Variants in TBXAS1 observed in about 807,000 individuals in gnomAD.
The protein encoded by TBXAS1 is thromboxane A synthase 1, also known as thromboxane-A synthase.
In TBXAS1, 48 loss-of-function variants were observed where a neutral mutation model predicts 60.7. That is an observed-to-expected ratio of 0.79 (90% CI 0.63 to 1.01). The LOEUF (loss-of-function observed/expected upper bound fraction) is 1.01. Among genes scored for constraint, TBXAS1 ranks in the 50% least tolerant of loss-of-function variants. The pLI is 0.00. For missense variants in TBXAS1, 685 were observed against 686.3 expected (o/e 1.00, Z 0.02); for synonymous variants, 287 against 269.7 (o/e 1.06, Z -0.63).
chr7:139,797,371 T>G (rs988555292), intron 4 of TBXAS1: 6 of 152,216 alleles, frequency 3.9e-5, no homozygotes, highest in African/African-American at 1.4e-4. Context: ...GTGGCTCTGC[T>G]TGCATTGGTC....
rs1300463602 is a variant in TBXAS1 at position 139,985,948 on chromosome 7, A to G, written c.1135-21143A>G. Reference sequence around the variant, plus strand: ...GGTAGCACCCAGGAGCCTGTTCCCAACATGGCCCCATGGCAGGGCCTGGTC... The same window carrying G: ...GGTAGCACCCAGGAGCCTGTTCCCAGCATGGCCCCATGGCAGGGCCTGGTC... On this transcript the variant is annotated intron_variant, in intron 9 of 12. Coordinates refer to ENST00000448866, the MANE Select transcript of TBXAS1 (RefSeq NM_001061.7). 1.1e-4 allele frequency among the ~76,000 whole-genome samples: 17 copies of G among 152,254 alleles called. No individual in the cohort carries two copies. In the East Asian group the frequency reaches 2.7e-3, roughly 24 times the overall value.
At chr7:139,790,371 G>T (rs1435383472) in intron 4 of TBXAS1, among the ~76,000 whole-genome samples, 1 of 152,160 alleles carries the variant, frequency 6.6e-6, no homozygotes, top group Non-Finnish European at 1.5e-5. Flanking sequence ...TCCAAGTCTG[G>T]CTAATTTTTT....
At chr7:139,834,261 C>A (rs1798913325) in intron 1 of TBXAS1, among the ~76,000 whole-genome samples, 1 of 152,178 alleles carries the variant, frequency 6.6e-6, no homozygotes, top group Non-Finnish European at 1.5e-5. Flanking sequence ...ATTCTTCTAA[C>A]TGAATGACAA....
rs181897145 is a variant in TBXAS1, at chr7:139,842,637, A to G, written c.89+13158A>G. Among the ~76,000 whole-genome samples the G allele has an allele frequency of 3.4e-3, 513 of 152,356 alleles. 3 individuals carry two copies. Among genetic ancestry groups the G allele is most frequent in the African/African-American group, 0.012 (480 of 41,592 alleles). On this transcript the variant is annotated intron_variant, in intron 1 of 12. Transcript: ENST00000448866. ...AGCCACATCTTTCCTGGTTTACCAG[A>G]AATAGGTGCTGTTGCACAACTTCCT...
At chr7:139,899,432 G>A (rs1334298011) in intron 3 of TBXAS1, among the ~76,000 whole-genome samples, 2 of 152,114 alleles carry the variant, frequency 1.3e-5, no homozygotes, top group African/African-American at 4.8e-5. Flanking sequence ...CCCAGAAGGC[G>A]GCTGTGAACT....
intron 1 of TBXAS1, among the ~76,000 whole-genome samples, chr7:139,864,949 C>A (rs1429216328): frequency 6.6e-6 from 1 of 152,076 alleles, no homozygotes; most frequent in African/African-American, 2.4e-5. Flanking sequence ...AGGAGGTACT[C>A]TAGGAAGGAG....
intron 9 of TBXAS1, among the ~76,000 whole-genome samples, chr7:140,006,502 G>A (rs1005455355): frequency 1.3e-5 from 2 of 152,130 alleles, no homozygotes. Flanking sequence ...AACTCATATG[G>A]CCTCTGTGTT....
chr7:139,853,710 A>G (rs992481279), intron 1 of TBXAS1, among the ~76,000 whole-genome samples: 1 of 152,080 alleles, frequency 6.6e-6, no homozygotes, highest in Non-Finnish European at 1.5e-5. Context: ...TCCCTCTTTC[A>G]CCACAAGTCT....
intron 4 of TBXAS1, among the ~76,000 whole-genome samples, chr7:139,922,291 G>C (rs1039064266): frequency 6.6e-6 from 1 of 151,696 alleles, no homozygotes; most frequent in Non-Finnish European, 1.5e-5. Context: ...TAGCAGAGAC[G>C]GAGTTTCTGC....
At chr7:139,802,503 G>A (rs1038293161) in intron 4 of TBXAS1, among the ~76,000 whole-genome samples, 5 of 152,138 alleles carry the variant, frequency 3.3e-5, no homozygotes, top group African/African-American at 7.2e-5. Flanking sequence ...GCCAGTTCCC[G>A]GCTGTTCGCA....
chr7:139,822,060 C>T (rs1585555605), intron 4 of TBXAS1, among the ~76,000 whole-genome samples: 2 of 152,278 alleles, frequency 1.3e-5, no homozygotes, highest in South Asian at 2.1e-4. Flanking sequence ...CCATCCTAGG[C>T]AGTGTGGACA....
intron 4 of TBXAS1, among the ~76,000 whole-genome samples, chr7:139,792,899 G>C (rs58632561): frequency 0.037 from 5,692 of 152,224 alleles, 370 homozygotes; most frequent in African/African-American, 0.13. Flanking sequence ...AAAGCAAGAT[G>C]GTAAAGGAAA....
intron 4 of TBXAS1, among the ~76,000 whole-genome samples, chr7:139,935,886 G>A (rs1192463273): frequency 2.0e-4 from 31 of 152,160 alleles, no homozygotes; most frequent in Admixed American, 1.1e-3. Flanking sequence ...GGGAACCCCT[G>A]CTCAGTAGGG....
chr7:139,958,604 G>A (rs1460320643), intron 8 of TBXAS1, among the ~76,000 whole-genome samples: 3 of 152,250 alleles, frequency 2.0e-5, no homozygotes, highest in Non-Finnish European at 2.9e-5. Flanking sequence ...AGAGGAATTG[G>A]TGAGGGCCAA....
At chr7:139,930,708 G>A (rs1471612070) in intron 4 of TBXAS1, among the ~76,000 whole-genome samples, 3 of 152,182 alleles carry the variant, frequency 2.0e-5, no homozygotes, top group African/African-American at 4.8e-5. Flanking sequence ...CACATACCAG[G>A]CCTCATAAAA....
chr7:139,926,684 C>T (rs1806906844), intron 4 of TBXAS1, among the ~76,000 whole-genome samples: 1 of 151,158 alleles, frequency 6.6e-6, no homozygotes. Flanking sequence ...GCTTTAGCTC[C>T]TGCTTTTTTA....
intron 9 of TBXAS1, 197 bp downstream of exon 9, chr7:139,962,430 CA>C (rs773079085): frequency 3.2e-5 from 20 of 632,180 alleles, no homozygotes; most frequent in Non-Finnish European, 3.8e-5. Flanking sequence ...ATAACCACAA[CA>C]AAAAGACAAA....
chr7:140,017,941 C>T (rs1205378232), intron 12 of TBXAS1, 108 bp downstream of exon 12: 11 of 1,514,036 alleles, frequency 7.3e-6, no homozygotes, highest in South Asian at 4.6e-5. Context: ...GCTCTGCCTC[C>T]GTGAGCTTGG....
At chr7:139,781,249 C>T (rs533511197) in intron 2 of TBXAS1, among the ~76,000 whole-genome samples, 1 of 152,298 alleles carries the variant, frequency 6.6e-6, no homozygotes, top group South Asian at 2.1e-4. Context: ...CATGAATTGG[C>T]AGACTGAGTA....
Sources: gnomAD v4.1 joint callset for allele counts (sites outside exome capture counted in the v4.1 genomes callset) on GRCh38, gnomAD v4.1.1 for gene constraint, MANE v1.5 for transcripts, NCBI Gene and HGNC (gene_info 2026-07-23, HGNC 2026-07-21) for gene names.